The following ABHD8 variants were observed in gnomAD, a reference collection of about 807,000 sequenced individuals.
ABHD8 encodes the protein protein ABHD8.
ABHD8 carries 10 observed loss-of-function variants against 29.3 expected under a neutral mutation model. That is an observed-to-expected ratio of 0.34 (90% confidence interval 0.21 to 0.58). The LOEUF is 0.58. Among genes scored for constraint, ABHD8 ranks in the 20% least tolerant of loss-of-function variants. ABHD8 has a pLI of 0.85. For missense variants in ABHD8, 556 were observed against 615.3 expected, an observed-to-expected ratio of 0.90 and a Z score of 1.02; for synonymous variants, 282 against 274.6, an observed-to-expected ratio of 1.03 and a Z score of -0.27.
chr19:17,294,928 G>A, intron 2 of ABHD8, 83 bp from the exon 3 acceptor site: 3 of 1,482,626 alleles, frequency 2.0e-6, no homozygotes, highest in Non-Finnish European at 2.7e-6. Context: ...GTTTTGCTTT[G>A]TTTTTGTTTT....
At chr19:17,293,851 G>T (rs2074081608) in intron 4 of ABHD8, among the ~76,000 whole-genome samples, 1 of 151,982 alleles carries the variant, frequency 6.6e-6, no homozygotes, top group Non-Finnish European at 1.5e-5. Flanking sequence ...GAACCACCTC[G>T]CCGGGCTAGT....
At chr19:17,298,570 A>T (rs530250382) in intron 2 of ABHD8, 1 of 152,178 alleles carries the variant, frequency 6.6e-6, no homozygotes, top group African/African-American at 2.4e-5. Flanking sequence ...CCACCAGGGC[A>T]CGCTTGGCAA....
intron 2 of ABHD8, among the ~76,000 whole-genome samples, chr19:17,297,376 A>AC (rs1279926925): frequency 1.3e-5 from 2 of 151,534 alleles, no homozygotes; most frequent in Admixed American, 6.6e-5. Flanking sequence ...GCTCACTGCA[A>AC]CCCCCACCTC....
chr19:17,300,729 C>A, intron 2 of ABHD8, 127 bp downstream of exon 2: 1 of 1,227,080 alleles, frequency 8.1e-7, no homozygotes. Flanking sequence ...CCGCCTGCCT[C>A]GGCCTCCCAA....
At chr19:17,296,606 A>G (rs10409801) in intron 2 of ABHD8, 128,173 of 152,152 alleles carry the variant, frequency 0.84, 54,753 homozygotes, top group African/African-American at 0.91. Context: ...GCAGGGGTCA[A>G]CAAACTATGT....
chr19:17,294,465 C>T lies in ABHD8; in HGVS notation c.972G>A (p.Leu324=). The stretch of plus-strand genomic sequence containing the variant: ...CGTTGAAAGCGTTGCCCTCCTTTAA[C>T]AGCTGCTTCTCCTTGGCTCCTTGGC... ...FARQGAKEKQ[L]LKEGNAFNVS... The change falls in exon 4 of 5, where the codon CTG becomes CTA. Residue 324 remains leucine (L), a synonymous_variant. Transcript: ENST00000247706. 1 of 1,614,178 alleles carries T rather than the reference C, an allele frequency of 6.2e-7. No individual in the cohort carries two copies. The highest frequency in any genetic ancestry group is 8.5e-7 in the Non-Finnish European group (1 of 1,180,004).
intron 2 of ABHD8, 57 bp downstream of exon 2, chr19:17,300,799 T>C: frequency 6.6e-7 from 1 of 1,520,526 alleles, no homozygotes. Flanking sequence ...ATTTTGTGAC[T>C]GTAGTCCCTG....
chr19:17,297,484 C>T (rs559213547), intron 2 of ABHD8, among the ~76,000 whole-genome samples: 13 of 151,908 alleles, frequency 8.6e-5, no homozygotes, highest in Non-Finnish European at 4.4e-5. Flanking sequence ...TTATTAGAGA[C>T]GGGGTTTCAC....
Position 17,295,901 on chromosome 19 carries a change from G to A in ABHD8, c.762-1056C>T, listed in dbSNP as rs538433742. 2.0e-5 allele frequency among the ~76,000 whole-genome samples: 3 copies of A among 152,302 alleles called. No individual in the cohort carries two copies. The East Asian group carries it at 5.8e-4, about 29-fold the overall frequency. ...TTTTAAAAATTTTTTTATAAAGACA[G>A]GGTCTCCTTATGTTGCCCAGGCTGG... On this transcript the variant is annotated intron_variant, in intron 2 of 4. Transcript: ENST00000247706.
intron 4 of ABHD8, among the ~76,000 whole-genome samples, chr19:17,293,406 AT>A (rs2145650483): frequency 8.0e-6 from 1 of 124,396 alleles, no homozygotes; most frequent in East Asian, 2.7e-4. Context: ...CTGGAGGAGG[AT>A]TTTGTCAACT....
intron 1 of ABHD8, 126 bp from the exon 2 acceptor site, chr19:17,301,750 G>A: frequency 8.7e-7 from 1 of 1,147,104 alleles, no homozygotes; most frequent in Non-Finnish European, 1.2e-6. Context: ...CAGATCAAGT[G>A]AGCCACGGCA....
chr19:17,298,883 G>A (rs1306752005), intron 2 of ABHD8, among the ~76,000 whole-genome samples: 1 of 151,894 alleles, frequency 6.6e-6, no homozygotes, highest in Non-Finnish European at 1.5e-5. Flanking sequence ...TGGGATTACA[G>A]GCACACACCA....
rs765984168 is a variant in ABHD8 at position 17,301,496 on chromosome 19, C to G, written c.121G>C (p.Gly41Arg). 3 of 1,611,628 alleles carry G rather than the reference C, an allele frequency of 1.9e-6. No individual in the cohort carries two copies. Among genetic ancestry groups the G allele is most frequent in the South Asian group, 2.2e-5 (2 of 91,002 alleles). ...GCATGCTTCACCCGCAGCACGCGGC[C>G]GGGCTTGACCTCTACAAAGGTGTAG... ...DGYTFVEVKP[G>R]RVLRVKHAGP... Residue 41 changes from glycine (G) to arginine (R), a missense_variant, in exon 2 of 5, where the codon GGC becomes CGC. Around this residue, in one of 2 missense-constraint regions of ABHD8, gnomAD observed 286 missense variants for 261.4 expected, o/e 1.09. Coordinates refer to ENST00000247706, the MANE Select transcript of ABHD8 (RefSeq NM_024527.5).
chr19:17,294,174 C>A, intron 4 of ABHD8, 114 bp downstream of exon 4: 3 of 1,338,026 alleles, frequency 2.2e-6, no homozygotes, highest in Non-Finnish European at 3.0e-6. Flanking sequence ...GCCACGCCCC[C>A]TCGGGAAGAA....
chr19:17,299,234 A>AC (rs34604672), intron 2 of ABHD8, among the ~76,000 whole-genome samples: 55,487 of 128,176 alleles, frequency 0.43, 11,686 homozygotes, highest in Middle Eastern at 0.52. Context: ...ACATAATGAG[A>AC]CCCCCCCCCC....
rs1428276435 is a variant in ABHD8, at chr19:17,292,715, G to C, written c.1266C>G (p.Pro422=). ...LHEFLLWEPE[P]SPKALPEPLP... ...GTGGCTCCGGTAGAGCCTTGGGCGA[G>C]GGCTCGGGCTCCCAGAGCAGGAATT... The change falls in exon 5 of 5, where the codon CCC becomes CCG. Residue 422 remains proline, a synonymous_variant. Coordinates refer to ENST00000247706, the MANE Select transcript of ABHD8 (RefSeq NM_024527.5). 6.2e-7 allele frequency: 1 copy of C among 1,613,538 alleles called. No homozygotes were observed. Among genetic ancestry groups the C allele is most frequent in the Admixed American group, 1.7e-5 (1 of 59,970 alleles).
chr19:17,301,626 TGTGA>T lies in ABHD8; in HGVS notation c.-8-6_-8-3del. The T allele has an allele frequency of 6.5e-7, 1 of 1,531,082 alleles. No homozygotes were observed. Among genetic ancestry groups the T allele is most frequent in the Non-Finnish European group, 8.8e-7 (1 of 1,141,444 alleles). 94.8% of individuals were successfully genotyped at this position (1,531,082 alleles called of 1,614,324 possible). Reference sequence around the variant, plus strand: ...TCACCCCGGTCAGCATGGTGTGTCCTGTGAGTGAGGACAGCAGCCAGTTCAGGTG... The same window carrying T: ...TCACCCCGGTCAGCATGGTGTGTCCTGTGAGGACAGCAGCCAGTTCAGGTG... On this transcript the variant is annotated splice_region_variant and splice_polypyrimidine_tract_variant and intron_variant, in intron 1 of 4. Coordinates refer to ENST00000247706, the MANE Select transcript of ABHD8 (RefSeq NM_024527.5).
In ABHD8 at chr19:17,294,371, C is replaced by T. The variant is rs374194413; in HGVS notation, c.1066G>A (p.Ala356Thr). ...YWPEGDEVYH[A>T]ELTVPVLLVH... is the part of the protein sequence containing the mutation. ...AGCAGGACGGGCACGGTGAGCTCGG[C>T]GTGGTAGACCTCGTCGCCCTCGGGC... The change falls in exon 4 of 5, where the codon GCC (alanine) becomes ACC (threonine). Residue 356 changes from alanine to threonine, a missense_variant. Physicochemically the swap from Ala to Thr is moderately conservative, Grantham distance 58. Transcript: ENST00000247706. 3 of 1,613,746 alleles carry T rather than the reference C, an allele frequency of 1.9e-6. No individual in the cohort carries two copies. The highest frequency in any genetic ancestry group is 1.3e-5 in the African/African-American group (1 of 74,930).
Position 17,292,549 on chromosome 19 carries a change from C to A in ABHD8, c.*112G>T, listed in dbSNP as rs2074075305. The A allele has an allele frequency of 7.8e-6, 10 of 1,287,904 alleles. No individual in the cohort carries two copies. Among genetic ancestry groups the A allele is most frequent in the Non-Finnish European group, 1.0e-5 (10 of 980,722 alleles). The allele number at this position is 1,287,904 out of a possible 1,614,324, so 79.8% of individuals were successfully genotyped here. ...GGGGCGTCTCCCTGACCTGGCCCCG[C>A]CCACCGGAGCGAACGGCCCGCCCAG... On this transcript the variant is annotated 3_prime_UTR_variant, in exon 5 of 5. Transcript: ENST00000247706.
Sources: gnomAD v4.1 joint callset for allele counts (sites outside exome capture counted in the v4.1 genomes callset) on GRCh38, gnomAD v4.1.1 for gene constraint, gnomAD v4.1.1 regional missense constraint, MANE v1.5 for transcripts, NCBI Gene and HGNC (gene_info 2026-07-23, HGNC 2026-07-21) for gene names.